M6PR: variants seen among roughly 807,000 people sequenced by gnomAD.
M6PR encodes cation-dependent mannose-6-phosphate receptor.
Under a neutral mutation model 33.1 loss-of-function variants are expected in M6PR, and 19 were observed. That is an observed-to-expected ratio of 0.57 (90% CI 0.40 to 0.84). M6PR has a LOEUF of 0.84. Ranked by LOEUF, M6PR falls within the 40% of genes least tolerant of loss-of-function variation. The probability of loss-of-function intolerance (pLI) is 0.00; values close to 1 mark genes in which losing one functional copy is unlikely to be tolerated. For synonymous variants in M6PR, 111 were observed against 123.4 expected (o/e 0.90, Z 0.67); for missense variants, 295 against 336.0 (o/e 0.88, Z 0.95).
intron 4 of M6PR, 66 bp from the exon 5 acceptor site, chr12:8,943,601 A>T: frequency 5.7e-6 from 9 of 1,585,848 alleles, no homozygotes; most frequent in Non-Finnish European, 7.8e-6. Flanking sequence ...AACAAAATAA[A>T]AAACCCAAAA....
chr12:8,943,778 T>A (rs1177705830), intron 4 of M6PR, 23 bp downstream of exon 4: 1 of 1,598,080 alleles, frequency 6.3e-7, no homozygotes, highest in Non-Finnish European at 8.6e-7. Context: ...CTCCCTCGGC[T>A]TATACAACAC....
intron 3 of M6PR, 87 bp downstream of exon 3, chr12:8,945,331 T>C (rs1421179763): frequency 7.0e-7 from 1 of 1,426,082 alleles, no homozygotes; most frequent in African/African-American, 1.4e-5. Flanking sequence ...CTGAAGACAC[T>C]AGAAACGGCC....
At chr12:8,942,063 A>G in intron 6 of M6PR, 123 bp from the exon 7 acceptor site, 2 of 1,101,402 alleles carry the variant, frequency 1.8e-6, no homozygotes, top group Non-Finnish European at 2.6e-6. Flanking sequence ...GAGAAAACCT[A>G]AAAGATCTGA....
intron 1 of M6PR, among the ~76,000 whole-genome samples, chr12:8,947,504 A>C (rs1946113082): frequency 1.3e-5 from 2 of 152,152 alleles, no homozygotes; most frequent in Admixed American, 6.5e-5. Context: ...GTTTCCATAG[A>C]ATAATCATAG....
intron 2 of M6PR, 123 bp downstream of exon 2, chr12:8,946,105 TA>T (rs1946089412): frequency 9.5e-6 from 9 of 951,026 alleles, no homozygotes; most frequent in Admixed American, 8.0e-5. Flanking sequence ...ACACAGCAAC[TA>T]AAAACTGGGC....
intron 4 of M6PR, 21 bp downstream of exon 4, chr12:8,943,780 A>G: frequency 1.2e-5 from 19 of 1,601,392 alleles, no homozygotes; most frequent in Non-Finnish European, 1.5e-5. Flanking sequence ...CCCTCGGCTT[A>G]TACAACACAG....
chr12:8,941,492 A>G lies in M6PR; in HGVS notation c.*326T>C, dbSNP rs924813727. 4.5e-6 allele frequency: 1 copy of G among 220,610 alleles called. No individual in the cohort carries two copies. The highest frequency in any genetic ancestry group is 2.3e-5 in the African/African-American group (1 of 43,756). The allele number at this position is 220,610 out of a possible 1,614,324, so 13.7% of individuals were successfully genotyped here. A position where few individuals can be genotyped will look rare whatever the true frequency, so the allele number is the denominator to read the frequency against. ...ACTTGTGAAAATGTGTTTAAAAAAC[A>G]AACGGCCAGTGAGCCTGCTACACCA... On this transcript the variant is annotated 3_prime_UTR_variant, in exon 7 of 7. Transcript: ENST00000000412.
Position 8,940,405 on chromosome 12 carries a change from G to A in M6PR, c.*1413C>T, listed in dbSNP as rs6832. 84,395 of 182,004 alleles carry A rather than the reference G, an allele frequency of 0.46. 20,004 individuals are homozygous for A. Among genetic ancestry groups the A allele is most frequent in the African/African-American group, 0.53 (22,098 of 41,594 alleles). The allele number at this position is 182,004 out of a possible 1,614,324, so 11.3% of individuals were successfully genotyped here. ...AATCATTAAGAGTTTTTGTACAAAAGGTGATGGTTTTTTTTCTTCATTTTA... is the reference window on the plus strand; with the variant it reads ...AATCATTAAGAGTTTTTGTACAAAAAGTGATGGTTTTTTTTCTTCATTTTA... On this transcript the variant is annotated 3_prime_UTR_variant, in exon 7 of 7. Transcript: ENST00000000412.
intron 1 of M6PR, chr12:8,946,703 G>A (rs780261400): frequency 1.6e-4 from 39 of 247,604 alleles, no homozygotes; most frequent in Admixed American, 3.1e-4. Context: ...AGCTTGGGTG[G>A]AGCCATCCTT....
chr12:8,941,715 G>GT lies in M6PR; in HGVS notation c.*102dup. On this transcript the variant is annotated 3_prime_UTR_variant, in exon 7 of 7. Coordinates refer to ENST00000000412, the MANE Select transcript of M6PR (RefSeq NM_002355.4). ...AGCAAACTGGAAAGCAAGAGCAATAGTAAGGGTGAGATGAGGGACTGGAGT... is the reference window on the plus strand; with the variant it reads ...AGCAAACTGGAAAGCAAGAGCAATAGTTAAGGGTGAGATGAGGGACTGGAGT... 1.4e-6 allele frequency: 2 copies of GT among 1,423,382 alleles called. No homozygotes were observed. The highest frequency in any genetic ancestry group is 2.0e-6 in the Non-Finnish European group (2 of 1,016,954). 88.2% of individuals were successfully genotyped at this position (1,423,382 alleles called of 1,614,324 possible).
At chr12:8,943,127 T>C (rs980927888) in intron 5 of M6PR, among the ~76,000 whole-genome samples, 1 of 152,178 alleles carries the variant, frequency 6.6e-6, no homozygotes, top group Non-Finnish European at 1.5e-5. Flanking sequence ...TAATTTTGTA[T>C]TTTTAGTAGA....
At chr12:8,943,687 C>T (rs1175633584) in intron 4 of M6PR, 114 bp downstream of exon 4, 7 of 1,324,538 alleles carry the variant, frequency 5.3e-6, no homozygotes, top group African/African-American at 1.5e-5. Context: ...AAACTGAGCT[C>T]CTAGTTTTCT....
chr12:8,943,696 C>T, intron 4 of M6PR, 105 bp downstream of exon 4: 1 of 1,332,020 alleles, frequency 7.5e-7, no homozygotes, highest in African/African-American at 1.4e-5. Flanking sequence ...TCCTAGTTTT[C>T]TAATGTCCAT....
chr12:8,942,021 T>C, intron 6 of M6PR, 81 bp from the exon 7 acceptor site: 1 of 1,511,624 alleles, frequency 6.6e-7, no homozygotes, highest in Non-Finnish European at 9.1e-7. Context: ...GGTCTAGGAA[T>C]GTGGCAAGAA....
At chr12:8,948,124 G>A (rs777313670) in intron 1 of M6PR, among the ~76,000 whole-genome samples, 3 of 152,130 alleles carry the variant, frequency 2.0e-5, no homozygotes, top group Admixed American at 6.5e-5. Flanking sequence ...AATTAGGAAG[G>A]GATGAAAGGT....
At chr12:8,942,002 T>C in intron 6 of M6PR, 62 bp from the exon 7 acceptor site, 1 of 1,580,136 alleles carries the variant, frequency 6.3e-7, no homozygotes, top group South Asian at 1.1e-5. Context: ...TATGAGAAAG[T>C]GTACTTATGG....
Position 8,945,556 on chromosome 12 carries a change from C to G in M6PR, c.205G>C (p.Asp69His), listed in dbSNP as rs774326282. Reference sequence around the variant, plus strand: ...ACCCTGAAGATGTAGATGTATGTGTCTGAACCCTGGCCCACAGTGCTCTCA... The same window carrying G: ...ACCCTGAAGATGTAGATGTATGTGTGTGAACCCTGGCCCACAGTGCTCTCA... The part of the protein sequence containing the change: ...SFESTVGQGS[D>H]TYIYIFRVCR... The change falls in exon 3 of 7, where the codon GAC (aspartate) becomes CAC (histidine). Residue 69 changes from aspartate to histidine, a missense_variant. Physicochemically the swap from Asp to His is moderately conservative, Grantham distance 81 (BLOSUM62 -1). Coordinates refer to ENST00000000412, the MANE Select transcript of M6PR (RefSeq NM_002355.4). The G allele has an allele frequency of 6.2e-7, 1 of 1,614,138 alleles. No homozygotes were observed. The highest frequency in any genetic ancestry group is 8.5e-7 in the Non-Finnish European group (1 of 1,180,018).
intron 3 of M6PR, among the ~76,000 whole-genome samples, chr12:8,944,602 A>G (rs1181254922): frequency 6.6e-6 from 1 of 152,132 alleles, no homozygotes; most frequent in Non-Finnish European, 1.5e-5. Flanking sequence ...ATTTATCTGT[A>G]TGGGAGGGAA....
intron 1 of M6PR, among the ~76,000 whole-genome samples, chr12:8,948,139 C>T (rs922263926): frequency 6.6e-6 from 1 of 152,198 alleles, no homozygotes; most frequent in Non-Finnish European, 1.5e-5. Flanking sequence ...AAAGGTTAAA[C>T]ACCTCAGCCA....
Sources: gnomAD v4.1 joint callset for allele counts (sites outside exome capture counted in the v4.1 genomes callset) on GRCh38, gnomAD v4.1.1 for gene constraint, MANE v1.5 for transcripts, NCBI Gene and HGNC (gene_info 2026-07-23, HGNC 2026-07-21) for gene names.